Variants in NUP98 observed in about 807,000 individuals in gnomAD.
The protein encoded by NUP98 is nuclear pore complex protein Nup98-Nup96.
NUP98 carries 26 observed loss-of-function variants against 191.9 expected under a neutral mutation model. The ratio of observed to expected loss-of-function variants is 0.14; its 90% CI spans 0.10 to 0.19. The LOEUF is 0.19. NUP98 is among the 10% of genes least tolerant of loss of function. NUP98 has a pLI of 1.00. For synonymous variants in NUP98, 808 were observed against 778.4 expected, an observed-to-expected ratio of 1.04 and a Z score of -0.63; for missense variants, 1,941 against 2,178.8, an observed-to-expected ratio of 0.89 and a Z score of 2.17.
chr11:3,739,578 C>G (rs566858694), intron 12 of NUP98, among the ~76,000 whole-genome samples: 1 of 152,012 alleles, frequency 6.6e-6, no homozygotes, highest in Non-Finnish European at 1.5e-5. Flanking sequence ...GTATAAAATC[C>G]GCACAGAGAT....
intron 20 of NUP98, chr11:3,712,053 A>G (rs951053861): frequency 9.3e-5 from 98 of 1,049,140 alleles, no homozygotes; most frequent in Non-Finnish European, 1.1e-4. Flanking sequence ...TTCCCAAACT[A>G]TTTTTCATAA....
chr11:3,713,174 A>G (rs2079071279), intron 19 of NUP98, among the ~76,000 whole-genome samples: 1 of 152,218 alleles, frequency 6.6e-6, no homozygotes, highest in Admixed American at 6.5e-5. Context: ...AAAAGTAAGA[A>G]TGACAATTAC....
intron 1 of NUP98, 47 bp downstream of exon 1, chr11:3,797,353 G>A (rs1171730569): frequency 1.2e-5 from 5 of 400,538 alleles, no homozygotes; most frequent in Admixed American, 8.8e-5. Flanking sequence ...CGGAAGGGGG[G>A]AGAAACCTGC....
chr11:3,721,322 ATTC>A (rs1303171619), intron 16 of NUP98, among the ~76,000 whole-genome samples: 2 of 152,248 alleles, frequency 1.3e-5, no homozygotes, highest in East Asian at 1.9e-4. Context: ...TCCAAACCCA[ATTC>A]TTCTTGTTTC....
At chr11:3,711,777 A>C in intron 20 of NUP98, 29 of 785,976 alleles carry the variant, frequency 3.7e-5, no homozygotes, top group East Asian at 6.6e-5. Context: ...TCCCACATTT[A>C]TCATACCCTC....
At chr11:3,785,559 G>A (rs184343106) in intron 1 of NUP98, among the ~76,000 whole-genome samples, 6 of 152,256 alleles carry the variant, frequency 3.9e-5, no homozygotes, top group African/African-American at 1.4e-4. Flanking sequence ...AAGAGTTTGA[G>A]ACCAGCTTGG....
intron 17 of NUP98, 63 bp downstream of exon 17, chr11:3,720,649 C>A: frequency 1.2e-6 from 1 of 850,872 alleles, no homozygotes; most frequent in South Asian, 1.6e-5. Flanking sequence ...AAAAGCTTCC[C>A]CTAATTACAA....
rs746398792 is a variant in NUP98 at position 3,763,091 on chromosome 11, C to T, written c.949-52G>A. 101 of 1,527,180 alleles carry T rather than the reference C, an allele frequency of 6.6e-5. No individual in the cohort carries two copies. In the East Asian group the frequency reaches 1.1e-3, roughly 17 times the overall value. The allele number at this position is 1,527,180 out of a possible 1,614,324, so 94.6% of individuals were successfully genotyped here. On this transcript the variant is annotated intron_variant, in intron 8 of 32. Transcript: ENST00000324932. ...AGATATCCTGTAATAGTTTCCGTAA[C>T]GAATCTCAGAGTAATAAAAAAAAAG...
chr11:3,699,221 G>C lies in NUP98; in HGVS notation c.3870C>G (p.Ser1290=). 1 of 1,614,156 alleles carries C rather than the reference G, an allele frequency of 6.2e-7. No individual in the cohort carries two copies. Among genetic ancestry groups the C allele is most frequent in the Non-Finnish European group, 8.5e-7 (1 of 1,180,032 alleles). Residue 1290 remains serine (S), a synonymous_variant, in exon 25 of 33, where the codon TCC becomes TCG. Transcript: ENST00000324932. ...GTGTGGCAGTACAGGATAGCCAGCG[G>C]GAGAAAGCTCTTCTTCGCTCCAGAA... is the stretch of plus-strand genomic sequence containing the variant. ...IQILERRRAF[S]RWLSCTATPQ...
chr11:3,720,831 A>AC lies in NUP98; in HGVS notation c.2147-7dup, dbSNP rs780387885. Reference sequence around the variant, plus strand: ...AACCTTAGTGAGAATAATACCTGTGACAAAAAAAAAAAAAAAAACAGAAAA... The same window carrying AC: ...AACCTTAGTGAGAATAATACCTGTGACCAAAAAAAAAAAAAAAAACAGAAAA... On this transcript the variant is annotated splice_polypyrimidine_tract_variant and splice_region_variant and intron_variant, in intron 16 of 32. Transcript: ENST00000324932. 15 of 819,486 alleles carry AC rather than the reference A, an allele frequency of 1.8e-5. No individual in the cohort carries two copies. Among genetic ancestry groups the AC allele is most frequent in the African/African-American group, 1.4e-4 (6 of 43,354 alleles). 50.8% of individuals were successfully genotyped at this position (819,486 alleles called of 1,614,324 possible). A position where few individuals can be genotyped will look rare whatever the true frequency, so the allele number is the denominator to read the frequency against.
chr11:3,677,410 G>GTTTT (rs372075323), intron 31 of NUP98, among the ~76,000 whole-genome samples: 27 of 130,782 alleles, frequency 2.1e-4, no homozygotes, highest in South Asian at 2.5e-4. Flanking sequence ...TGTAACATAG[G>GTTTT]TTTTTTTTTT....
chr11:3,780,160 G>A (rs1415440933), intron 2 of NUP98, among the ~76,000 whole-genome samples: 2 of 151,828 alleles, frequency 1.3e-5, no homozygotes, highest in African/African-American at 4.8e-5. Flanking sequence ...GACTGTGATG[G>A]GCACTTTTAG....
At chr11:3,695,271 T>C (rs1032642546) in intron 26 of NUP98, among the ~76,000 whole-genome samples, 178 bp downstream of exon 26, 1 of 152,276 alleles carries the variant, frequency 6.6e-6, no homozygotes, top group African/African-American at 2.4e-5. Context: ...TTAATTTCTA[T>C]ACAACTAGAT....
rs556807510 is a variant in NUP98, at chr11:3,719,506, G to A, written c.2305C>T (p.Leu769=). Reference sequence around the variant, plus strand: ...ATATGCACAATATCATCCAAATTTAGATTTGTCAAATTCACATCTCCTTCA... The same window carrying A: ...ATATGCACAATATCATCCAAATTTAAATTTGTCAAATTCACATCTCCTTCA... The part of the protein sequence containing the change: ...YFEGDVNLTN[L]NLDDIVHIRR... Residue 769 remains leucine (L), a synonymous_variant, in exon 18 of 33, where the codon CTA becomes TTA. Coordinates refer to ENST00000324932, the MANE Select transcript of NUP98 (RefSeq NM_016320.5). 6.3e-7 allele frequency: 1 copy of A among 1,590,898 alleles called. No homozygotes were observed. Among genetic ancestry groups the A allele is most frequent in the Non-Finnish European group, 8.5e-7 (1 of 1,170,988 alleles).
intron 27 of NUP98, among the ~76,000 whole-genome samples, chr11:3,692,673 T>TATTTAC (rs2078355860): frequency 6.6e-6 from 1 of 152,158 alleles, no homozygotes; most frequent in African/African-American, 2.4e-5. Context: ...ATGTATTTCA[T>TATTTAC]CTGTCTTCAA....
intron 28 of NUP98, among the ~76,000 whole-genome samples, chr11:3,690,931 G>T (rs958140005): frequency 2.0e-5 from 3 of 151,880 alleles, no homozygotes; most frequent in African/African-American, 7.3e-5. Context: ...TAGGCACAAG[G>T]AACATACAGT....
intron 6 of NUP98, 30 bp downstream of exon 6, chr11:3,773,602 G>T: frequency 7.5e-7 from 1 of 1,327,498 alleles, no homozygotes; most frequent in Non-Finnish European, 1.1e-6. Context: ...CAAAAGGTTA[G>T]ACTGACATTC....
At chr11:3,694,593 A>G (rs2078441496) in intron 26 of NUP98, among the ~76,000 whole-genome samples, 1 of 151,890 alleles carries the variant, frequency 6.6e-6, no homozygotes, top group African/African-American at 2.4e-5. Flanking sequence ...ACAAAAAATT[A>G]GCCCAGCGTG....
Position 3,713,942 on chromosome 11 carries a change from C to A in NUP98, c.2453G>T (p.Cys818Phe). 6.2e-7 allele frequency: 1 copy of A among 1,614,066 alleles called. No homozygotes were observed. The highest frequency in any genetic ancestry group is 2.2e-5 in the East Asian group (1 of 44,870). ...GVWPTDKTSR[C>F]LIKSPDRLAD... ...AAGGCGATCTGGGCTCTTTATTAAACAACGAGATGTTTTATCTGTTGGCCA... is the reference window on the plus strand; with the variant it reads ...AAGGCGATCTGGGCTCTTTATTAAAAAACGAGATGTTTTATCTGTTGGCCA... The change falls in exon 19 of 33, where the codon TGT (cysteine) becomes TTT (phenylalanine). Residue 818 changes from cysteine to phenylalanine, a missense_variant. Around this residue, in one of 6 missense-constraint regions of NUP98, gnomAD observed 95 missense variants for 139.7 expected, o/e 0.68. Transcript: ENST00000324932.
Sources: gnomAD v4.1 joint callset for allele counts (sites outside exome capture counted in the v4.1 genomes callset) on GRCh38, gnomAD v4.1.1 for gene constraint, gnomAD v4.1.1 regional missense constraint, MANE v1.5 for transcripts, NCBI Gene and HGNC (gene_info 2026-07-23, HGNC 2026-07-21) for gene names.